Variants in PCLAF observed in about 807,000 individuals in gnomAD.
PCLAF encodes PCNA-associated factor.
Under a neutral mutation model 15.1 loss-of-function variants are expected in PCLAF, and 12 were observed. The observed-to-expected ratio is 0.79, with a 90% CI of 0.51 to 1.29. The LOEUF is 1.29. Among genes scored for constraint, PCLAF ranks in the 50% most tolerant of loss-of-function variants. The pLI is 0.00. For synonymous variants in PCLAF, 33 were observed against 47.1 expected (o/e 0.70, Z 1.22); for missense variants, 116 against 130.9 (o/e 0.89, Z 0.56).
chr15:64,381,557 T>C (rs927042309), upstream of PCLAF: 10 of 1,449,172 alleles, frequency 6.9e-6, no homozygotes, highest in African/African-American at 2.8e-5. Flanking sequence ...CAATTGCCAA[T>C]GCCCAGTGGT....
chr15:64,384,777 C>T (rs957708540), upstream of PCLAF, among the ~76,000 whole-genome samples: 1 of 151,074 alleles, frequency 6.6e-6, no homozygotes, highest in Non-Finnish European at 1.5e-5. Flanking sequence ...AAAAAGAGAT[C>T]TTTAAGTCTT....
At chr15:64,387,371 G>T (rs928639160) in intron 1 of PCLAF, 1 of 924,852 alleles carries the variant, frequency 1.1e-6, no homozygotes, top group Non-Finnish European at 1.4e-6. Flanking sequence ...GACAGTGCGA[G>T]ACTCCGTCTC....
intron 1 of PCLAF, 117 bp from the exon 2 acceptor site, chr15:64,381,155 T>A: frequency 1.7e-6 from 2 of 1,211,208 alleles, no homozygotes; most frequent in South Asian, 2.5e-5. Flanking sequence ...AGGATAACCT[T>A]ACCCTGCCCC....
chr15:64,383,942 GA>G (rs908120299), upstream of PCLAF, among the ~76,000 whole-genome samples: 174 of 142,530 alleles, frequency 1.2e-3, no homozygotes, highest in African/African-American at 3.5e-3. Flanking sequence ...GCATGCTAGA[GA>G]AAAAAAAAAA....
chr15:64,373,669 C>A, intron 3 of PCLAF: 2 of 1,533,666 alleles, frequency 1.3e-6, no homozygotes, highest in Non-Finnish European at 1.7e-6. Context: ...GTAGCAGACC[C>A]AGAATGAGCA....
chr15:64,368,775 G>A (rs762613845), intron 3 of PCLAF, among the ~76,000 whole-genome samples: 12 of 148,398 alleles, frequency 8.1e-5, no homozygotes, highest in Non-Finnish European at 1.8e-4. Context: ...AGTTCTTTAT[G>A]AGAATACATG....
chr15:64,374,846 CAAAAA>C (rs372818602), intron 3 of PCLAF, among the ~76,000 whole-genome samples: 3 of 39,966 alleles, frequency 7.5e-5, no homozygotes. Flanking sequence ...ACCCCCATAT[CAAAAA>C]AAAAAAAAAA....
chr15:64,367,284 ACC>A (rs1899076917), intron 3 of PCLAF, among the ~76,000 whole-genome samples: 1 of 152,016 alleles, frequency 6.6e-6, no homozygotes, highest in African/African-American at 2.4e-5. Flanking sequence ...CGGGTGGATC[ACC>A]TGAGGTCAGA....
At chr15:64,377,490 T>A (rs1256358367) in intron 2 of PCLAF, among the ~76,000 whole-genome samples, 5,081 of 10,622 alleles carry the variant, frequency 0.48, 1,020 homozygotes, top group Middle Eastern at 0.75. Flanking sequence ...AAAAAAAAAA[T>A]ATATATATAT....
At chr15:64,375,352 G>C (rs989277041) in intron 3 of PCLAF, among the ~76,000 whole-genome samples, 11 of 152,014 alleles carry the variant, frequency 7.2e-5, no homozygotes, top group Non-Finnish European at 1.5e-4. Context: ...TCGATCTCTT[G>C]ATCTTGTGAT....
chr15:64,380,308 G>A (rs758441953), intron 2 of PCLAF, among the ~76,000 whole-genome samples: 2 of 152,006 alleles, frequency 1.3e-5, no homozygotes, highest in Non-Finnish European at 2.9e-5. Context: ...GTGTGAACCC[G>A]AGAGGCGGAG....
chr15:64,379,959 AC>A lies in PCLAF; in HGVS notation c.127+998del, dbSNP rs869130848. Among the ~76,000 whole-genome samples, 6 of 151,860 alleles carry A rather than the reference AC, an allele frequency of 4.0e-5. No individual in the cohort carries two copies. The East Asian group carries it at 1.2e-3, about 29-fold the overall frequency. On this transcript the variant is annotated intron_variant, in intron 2 of 3. Transcript: ENST00000300035. ...GAAAAACAAGCAAACAAAAACAAAA[AC>A]ATTTTTATTAAAGTTTAGTAGACAT... is the stretch of plus-strand genomic sequence containing the variant.
chr15:64,382,555 C>T (rs1899851215), upstream of PCLAF: 1 of 153,192 alleles, frequency 6.5e-6, no homozygotes, highest in African/African-American at 2.4e-5. Flanking sequence ...GGTAAGACCA[C>T]ATCGCTGTCA....
chr15:64,383,362 T>A (rs1899871673), upstream of PCLAF, among the ~76,000 whole-genome samples: 1 of 150,548 alleles, frequency 6.6e-6, no homozygotes. Flanking sequence ...GTGGTTTTTT[T>A]GTGTGTGTGT....
rs12591397 is a variant in PCLAF, at chr15:64,373,650, G to A, written c.290+3093C>T. 3.1e-4 allele frequency: 480 copies of A among 1,530,594 alleles called. No individual in the cohort carries two copies. The East Asian group carries it at 9.3e-3, about 30-fold the overall frequency. The allele number at this position is 1,530,594 out of a possible 1,614,324, so 94.8% of individuals were successfully genotyped here. On this transcript the variant is annotated intron_variant, in intron 3 of 3. Coordinates refer to ENST00000300035, the MANE Select transcript of PCLAF (RefSeq NM_014736.6). ...GAAGAAACCTGCACGGGTAGGAGCA[G>A]CGCCAGAAGTAGCAGACCCAGAATG...
intron 2 of PCLAF, among the ~76,000 whole-genome samples, chr15:64,379,912 CA>C (rs368301156): frequency 6.6e-6 from 1 of 150,814 alleles, no homozygotes; most frequent in Non-Finnish European, 1.5e-5. Context: ...AACAAACAAA[CA>C]AAAAAGAGTA....
chr15:64,383,437 G>A (rs1427396908), upstream of PCLAF, among the ~76,000 whole-genome samples: 4 of 151,758 alleles, frequency 2.6e-5, no homozygotes, highest in Admixed American at 2.6e-4. Flanking sequence ...CGTGTTCTCG[G>A]CTCACTGCAA....
intron 2 of PCLAF, among the ~76,000 whole-genome samples, chr15:64,380,170 C>T (rs1379332062): frequency 6.6e-6 from 1 of 151,974 alleles, no homozygotes; most frequent in African/African-American, 2.4e-5. Flanking sequence ...ATCATGAGGT[C>T]AGGAGTTTGA....
chr15:64,370,380 T>C (rs978149580), intron 3 of PCLAF, among the ~76,000 whole-genome samples: 2 of 151,574 alleles, frequency 1.3e-5, no homozygotes, highest in African/African-American at 2.4e-5. Context: ...TTCTTTTTTT[T>C]TTTTTCAGAC....
Sources: gnomAD v4.1 joint callset for allele counts (sites outside exome capture counted in the v4.1 genomes callset) on GRCh38, gnomAD v4.1.1 for gene constraint, MANE v1.5 for transcripts, NCBI Gene and HGNC (gene_info 2026-07-23, HGNC 2026-07-21) for gene names.